CELF2: variants seen among roughly 807,000 people sequenced by gnomAD.
CELF2 encodes the protein CUGBP Elav-like family member 2, also known as CUG triplet repeat RNA-binding protein 2.
A neutral mutation model predicts 62.6 loss-of-function variants in CELF2; 8 were observed. The ratio of observed to expected loss-of-function variants is 0.13; its 90% CI spans 0.07 to 0.23. The LOEUF is 0.23. Ranked by LOEUF, CELF2 falls within the 10% of genes least tolerant of loss-of-function variation. The probability of loss-of-function intolerance (pLI) is 1.00; values close to 1 mark genes in which losing one functional copy is unlikely to be tolerated. For missense variants in CELF2, 333 were observed against 671.0 expected (o/e 0.50, Z 5.56); for synonymous variants, 258 against 250.0 (o/e 1.03, Z -0.30).
rs776366522 is a variant in CELF2 at position 11,244,717 on chromosome 10, G to A, written c.355-4436G>A. ...CTTCCGTTGCTTCCTCTGTTGGTTAGGATATCGTATCATTGTTCTTGATCA... is the reference window on the plus strand; with the variant it reads ...CTTCCGTTGCTTCCTCTGTTGGTTAAGATATCGTATCATTGTTCTTGATCA... On this transcript the variant is annotated intron_variant, in intron 3 of 12. Transcript: ENST00000633077. The surrounding 1 kb of genome is among the most constrained non-coding windows in gnomAD (Gnocchi z 4.2). 6.0e-5 allele frequency among the ~76,000 whole-genome samples: 9 copies of A among 151,228 alleles called. No individual in the cohort carries two copies. The highest frequency in any genetic ancestry group is 8.8e-5 in the Non-Finnish European group (6 of 67,876).
chr10:10,500,536 C>A, the CELF2 span, among the ~76,000 whole-genome samples: 1 of 152,156 alleles, frequency 6.6e-6, no homozygotes. Flanking sequence ...CTCTTGCCTG[C>A]CGCCATGTAA....
chr10:10,650,962 G>A, the CELF2 span, among the ~76,000 whole-genome samples: 1 of 152,054 alleles, frequency 6.6e-6, no homozygotes, highest in Non-Finnish European at 1.5e-5. Flanking sequence ...TGAGGTACCG[G>A]GTTCATCTCA....
At chr10:10,809,228 A>C (rs7093336) in intron 1 of CELF2, among the ~76,000 whole-genome samples, 68,712 of 151,962 alleles carry the variant, frequency 0.45, 15,913 homozygotes, top group African/African-American at 0.58. Context: ...TGTCTCTACC[A>C]TGGAAGGGCA....
the CELF2 span, among the ~76,000 whole-genome samples, chr10:10,699,757 A>G: frequency 6.6e-6 from 1 of 152,318 alleles, no homozygotes; most frequent in African/African-American, 2.4e-5. Flanking sequence ...CTTGTTGATC[A>G]TTGTAAAGAT....
At chr10:11,155,757 A>C (rs1040255103) in intron 1 of CELF2, among the ~76,000 whole-genome samples, 1 of 152,118 alleles carries the variant, frequency 6.6e-6, no homozygotes, top group Non-Finnish European at 1.5e-5. Context: ...TCAACTTTTG[A>C]TTTTCCAGAT....
At chr10:10,860,095 C>A (rs1474011650) in intron 1 of CELF2, among the ~76,000 whole-genome samples, 1 of 151,978 alleles carries the variant, frequency 6.6e-6, no homozygotes, top group Non-Finnish European at 1.5e-5. Context: ...TATAAGATAG[C>A]TATATGGAAC....
Position 10,957,145 on chromosome 10 carries a change from T to C in CELF2, c.89+37146T>C, listed in dbSNP as rs35370660. Among the ~76,000 whole-genome samples, 3 of 152,194 alleles carry C rather than the reference T, an allele frequency of 2.0e-5. No homozygotes were observed. Among genetic ancestry groups the C allele is most frequent in the Admixed American group, 2.0e-4 (3 of 15,272 alleles). ...GCCACCTTCTCCTCTAATCCTCTCTTTGCTGTGCCTCTCTGGAGTTCCTGA... is the reference window on the plus strand; with the variant it reads ...GCCACCTTCTCCTCTAATCCTCTCTCTGCTGTGCCTCTCTGGAGTTCCTGA... On this transcript the variant is annotated intron_variant, in intron 2 of 13. Coordinates refer to the CELF2 transcript ENST00000636488. This position sits in a 1 kb window ranked among gnomAD's most constrained non-coding sequence, Gnocchi z 4.1.
chr10:10,819,633 C>T (rs142088467), intron 1 of CELF2, among the ~76,000 whole-genome samples: 8 of 152,264 alleles, frequency 5.3e-5, no homozygotes, highest in African/African-American at 1.9e-4. Flanking sequence ...ACTCCTCCTT[C>T]CCCTCTGCCA....
rs2074163195 is a variant in CELF2 at position 11,242,274 on chromosome 10, ACTCATC to A, written c.355-6878_355-6873del. ...TTGAATCTCATGTTAAAGGTGGTTA[ACTCATC>A]AATTGGTGATGGCTGGGGTTCAACA... On this transcript the variant is annotated intron_variant, in intron 3 of 12. Transcript: ENST00000633077. This position sits in a 1 kb window ranked among gnomAD's most constrained non-coding sequence, Gnocchi z 4.8. Among the ~76,000 whole-genome samples the A allele has an allele frequency of 6.6e-6, 1 of 152,182 alleles. No homozygotes were observed. The highest frequency in any genetic ancestry group is 1.5e-5 in the Non-Finnish European group (1 of 68,032).
chr10:10,708,756 A>C, the CELF2 span, among the ~76,000 whole-genome samples: 2 of 152,192 alleles, frequency 1.3e-5, no homozygotes, highest in Admixed American at 6.6e-5. Context: ...CTACATACAT[A>C]TACGATTGAA....
upstream of CELF2, chr10:11,005,225 AG>A: frequency 5.4e-6 from 8 of 1,491,390 alleles, no homozygotes; most frequent in Non-Finnish European, 7.1e-6. The surrounding 1 kb of genome is among the most constrained non-coding windows in gnomAD (Gnocchi z 4.3). Context: ...GCATTTGACT[AG>A]GGAAGAGAGT....
At chr10:11,312,632 A>G (rs987467557) in intron 9 of CELF2, among the ~76,000 whole-genome samples, 7 of 152,202 alleles carry the variant, frequency 4.6e-5, no homozygotes, top group African/African-American at 1.7e-4. Flanking sequence ...TAGAGAGGGG[A>G]AATGGAATTG....
the CELF2 span, among the ~76,000 whole-genome samples, chr10:10,498,791 A>C: frequency 6.6e-6 from 1 of 152,228 alleles, no homozygotes; most frequent in Non-Finnish European, 1.5e-5. Flanking sequence ...CATTTCATTA[A>C]AAAGGACATT....
At chr10:10,859,612 C>T (rs1241174825) in intron 1 of CELF2, among the ~76,000 whole-genome samples, 1 of 152,154 alleles carries the variant, frequency 6.6e-6, no homozygotes, top group Admixed American at 6.5e-5. Context: ...TAACCACACA[C>T]ACATACACAC....
chr10:11,228,083 A>G (rs957566925), intron 3 of CELF2, among the ~76,000 whole-genome samples: 12 of 152,194 alleles, frequency 7.9e-5, no homozygotes, highest in African/African-American at 2.7e-4. Context: ...GTCATTCTAT[A>G]TATGTTATAT....
chr10:11,264,893 T>A (rs2081737953), intron 5 of CELF2, among the ~76,000 whole-genome samples: 1 of 152,248 alleles, frequency 6.6e-6, no homozygotes, highest in South Asian at 2.1e-4. Flanking sequence ...TGAACTTCAT[T>A]CAGGCTTCTT....
At chr10:10,679,462 G>A in the CELF2 span, among the ~76,000 whole-genome samples, 2 of 151,946 alleles carry the variant, frequency 1.3e-5, no homozygotes, top group African/African-American at 2.4e-5. Context: ...GCTAATTTTT[G>A]TATTTTTAGT....
chr10:10,498,191 C>T, the CELF2 span, among the ~76,000 whole-genome samples: 3 of 152,100 alleles, frequency 2.0e-5, no homozygotes, highest in African/African-American at 2.4e-5. Flanking sequence ...AGGAAAGAGG[C>T]GGAAGGCGCC....
At chr10:10,506,557 G>C in the CELF2 span, among the ~76,000 whole-genome samples, 5 of 151,696 alleles carry the variant, frequency 3.3e-5, no homozygotes, top group Non-Finnish European at 7.4e-5. Flanking sequence ...AAGAGCAGAG[G>C]CTCTAGAACT....
Sources: gnomAD v4.1 joint callset for allele counts (sites outside exome capture counted in the v4.1 genomes callset) on GRCh38, gnomAD v4.1.1 for gene constraint, Gnocchi (gnomAD v3.1) non-coding constraint, MANE v1.5 for transcripts, NCBI Gene and HGNC (gene_info 2026-07-23, HGNC 2026-07-21) for gene names.